The following PTPRD variants were observed in gnomAD, a reference collection of about 807,000 sequenced individuals.
PTPRD encodes receptor-type tyrosine-protein phosphatase delta.
Under a neutral mutation model 214.5 loss-of-function variants are expected in PTPRD, and 34 were observed. The observed-to-expected ratio is 0.16, with a 90% CI of 0.12 to 0.21. The LOEUF (loss-of-function observed/expected upper bound fraction) is 0.21. Among genes scored for constraint, PTPRD ranks in the 10% least tolerant of loss-of-function variants. The probability of loss-of-function intolerance (pLI) is 1.00; values close to 1 mark genes in which losing one functional copy is unlikely to be tolerated. For missense variants in PTPRD, 2,545 were observed against 2,398.7 expected (o/e 1.06, Z -1.27); for synonymous variants, 1,128 against 845.7 (o/e 1.33, Z -5.79).
At position 10,449,495 on chromosome 9, in the gene PTPRD, T is replaced by C. The variant is rs1360856215; in HGVS notation, c.-599-108478A>G. On this transcript the variant is annotated intron_variant, in intron 2 of 45. Transcript: ENST00000381196. ...GAAGTGAGGAGCCTCTCTGCCTGGC[T>C]GCCCATCGTCTGGGATGTGAGGAGC... Among the ~76,000 whole-genome samples, 12 of 143,766 alleles carry C rather than the reference T, an allele frequency of 8.3e-5. 1 individual carries two copies. The highest frequency in any genetic ancestry group is 2.6e-4 in the African/African-American group (9 of 35,078). The allele number at this position is 143,766 out of a possible 152,430, so 94.3% of individuals were successfully genotyped here. A position where few individuals can be genotyped will look rare whatever the true frequency, so the allele number is the denominator to read the frequency against.
chr9:10,132,125 G>T (rs1213909656), intron 3 of PTPRD, among the ~76,000 whole-genome samples: 1 of 151,956 alleles, frequency 6.6e-6, no homozygotes, highest in Admixed American at 6.6e-5. Flanking sequence ...GTTACTACTG[G>T]TAATGATTAT....
At chr9:9,788,516 C>A (rs2098942985) in intron 5 of PTPRD, among the ~76,000 whole-genome samples, 1 of 138,808 alleles carries the variant, frequency 7.2e-6, no homozygotes, top group Non-Finnish European at 1.5e-5. Flanking sequence ...CGGGCCACGG[C>A]ACTCCAGCCT....
chr9:9,430,593 A>C (rs984065983), intron 8 of PTPRD, among the ~76,000 whole-genome samples: 1 of 152,214 alleles, frequency 6.6e-6, no homozygotes, highest in African/African-American at 2.4e-5. Context: ...CCGCATTGCC[A>C]AGACAATCCT....
At chr9:10,144,368 T>C (rs2099008259) in intron 3 of PTPRD, among the ~76,000 whole-genome samples, 1 of 152,080 alleles carries the variant, frequency 6.6e-6, no homozygotes, top group African/African-American at 2.4e-5. Flanking sequence ...AGATGAAGAA[T>C]TGGTGACACT....
At chr9:10,285,860 C>T (rs969214758) in intron 3 of PTPRD, among the ~76,000 whole-genome samples, 4 of 152,092 alleles carry the variant, frequency 2.6e-5, no homozygotes, top group East Asian at 1.9e-4. Context: ...CCGCCCGCCT[C>T]GGCCTCCCAA....
chr9:10,365,737 A>T (rs2097503461), intron 2 of PTPRD, among the ~76,000 whole-genome samples: 1 of 152,098 alleles, frequency 6.6e-6, no homozygotes, highest in African/African-American at 2.4e-5. Context: ...TCTACTTCAT[A>T]ACTTTTGATA....
At chr9:10,386,671 A>C (rs1340922460) in intron 2 of PTPRD, among the ~76,000 whole-genome samples, 3 of 151,856 alleles carry the variant, frequency 2.0e-5, no homozygotes, top group African/African-American at 7.2e-5. Context: ...AAACAAAACA[A>C]AACAAAACAA....
At chr9:8,630,216 C>T (rs1022221651) in intron 14 of PTPRD, among the ~76,000 whole-genome samples, 4 of 151,690 alleles carry the variant, frequency 2.6e-5, no homozygotes, top group African/African-American at 9.7e-5. Flanking sequence ...GGCCACTGGA[C>T]GAAAAGTGTA....
chr9:10,392,775 C>G (rs539598138), intron 2 of PTPRD, among the ~76,000 whole-genome samples: 1 of 151,830 alleles, frequency 6.6e-6, no homozygotes, highest in South Asian at 2.1e-4. Context: ...GAGGACCATT[C>G]GGATGGAAGG....
chr9:8,489,166 G>A (rs1020755261), intron 27 of PTPRD, among the ~76,000 whole-genome samples: 3 of 152,142 alleles, frequency 2.0e-5, no homozygotes, highest in African/African-American at 7.2e-5. Flanking sequence ...CTAATGGGCT[G>A]GCAAAGTCTA....
intron 7 of PTPRD, among the ~76,000 whole-genome samples, chr9:9,619,561 A>T (rs1490123645): frequency 6.8e-6 from 1 of 146,388 alleles, no homozygotes; most frequent in African/African-American, 2.5e-5. Flanking sequence ...TATATTATCT[A>T]ATATGTCTAG....
intron 11 of PTPRD, among the ~76,000 whole-genome samples, chr9:8,937,791 T>G: frequency 6.6e-6 from 1 of 152,212 alleles, no homozygotes; most frequent in African/African-American, 2.4e-5. Context: ...ATTATTATTT[T>G]AGAACACTCA....
chr9:10,406,010 A>G (rs1171701418), intron 2 of PTPRD, among the ~76,000 whole-genome samples: 1 of 151,410 alleles, frequency 6.6e-6, no homozygotes, highest in East Asian at 1.9e-4. Context: ...ATGTTCTTGT[A>G]AACTATCCAT....
chr9:9,101,185 C>T (rs1227696488), intron 10 of PTPRD, among the ~76,000 whole-genome samples: 1 of 151,404 alleles, frequency 6.6e-6, no homozygotes, highest in South Asian at 2.1e-4. Flanking sequence ...ACAAAACAAA[C>T]CCGAAACAAA....
At chr9:9,558,922 C>T (rs654406) in intron 8 of PTPRD, among the ~76,000 whole-genome samples, 21,560 of 152,186 alleles carry the variant, frequency 0.14, 1,588 homozygotes, top group African/African-American at 0.17. Flanking sequence ...ATTAGGACTA[C>T]AGGTCCTAAG....
At chr9:9,841,579 G>A (rs956990018) in intron 5 of PTPRD, among the ~76,000 whole-genome samples, 4 of 152,122 alleles carry the variant, frequency 2.6e-5, no homozygotes, top group African/African-American at 4.8e-5. Context: ...CCTAGCGATA[G>A]AACGGCCCTT....
At chr9:9,131,755 A>G (rs181857457) in intron 10 of PTPRD, among the ~76,000 whole-genome samples, 141 of 152,352 alleles carry the variant, frequency 9.3e-4, no homozygotes, top group African/African-American at 3.1e-3. Context: ...TCAAATATTT[A>G]CCATAAGAGA....
chr9:9,556,447 A>G (rs2154288447), intron 8 of PTPRD, among the ~76,000 whole-genome samples: 1 of 152,260 alleles, frequency 6.6e-6, no homozygotes, highest in African/African-American at 2.4e-5. Context: ...CCAAATCTTT[A>G]TTGTTCAAGG....
At chr9:10,176,165 T>C (rs947514097) in intron 3 of PTPRD, among the ~76,000 whole-genome samples, 5 of 152,018 alleles carry the variant, frequency 3.3e-5, no homozygotes, top group Non-Finnish European at 7.4e-5. Flanking sequence ...GCACAATGCT[T>C]TGTATTAACC....
Sources: allele counts gnomAD v4.1 joint callset (sites outside exome capture counted in the v4.1 genomes callset), GRCh38; gene constraint gnomAD v4.1.1; transcripts MANE v1.5; gene names NCBI Gene and HGNC (gene_info 2026-07-23, HGNC 2026-07-21).